The following MDGA2 variants were observed in gnomAD, a reference collection of about 807,000 sequenced individuals.
MDGA2 encodes MAM domain containing glycosylphosphatidylinositol anchor 2.
Under a neutral mutation model 117.8 loss-of-function variants are expected in MDGA2, and 40 were observed. The ratio of observed to expected loss-of-function variants is 0.34; its 90% CI spans 0.26 to 0.44. MDGA2 has a LOEUF of 0.44. Among genes scored for constraint, MDGA2 ranks in the 20% least tolerant of loss-of-function variants. The pLI is 1.00. For missense variants in MDGA2, 1,123 were observed against 1,250.6 expected, an observed-to-expected ratio of 0.90 and a Z score of 1.54; for synonymous variants, 452 against 439.0, an observed-to-expected ratio of 1.03 and a Z score of -0.37.
intron 1 of MDGA2, among the ~76,000 whole-genome samples, chr14:47,361,850 T>C (rs1891133417): frequency 6.6e-6 from 1 of 152,156 alleles, no homozygotes; most frequent in South Asian, 2.1e-4. Context: ...TATAAGGATA[T>C]CAGAGTATGA....
chr14:47,239,234 A>G (rs528340422), intron 2 of MDGA2, among the ~76,000 whole-genome samples: 3 of 150,740 alleles, frequency 2.0e-5, no homozygotes, highest in East Asian at 1.9e-4. Flanking sequence ...AAAAAAAAAA[A>G]GGGCTCTGAT....
rs144490538 is a variant in MDGA2 at position 47,093,353 on chromosome 14, T to C, written c.1195+3501A>G. ...AGTAATGTCTTGGTATTTTGAACCA[T>C]ACATGTTCAACACAGTGATTTAATT... On this transcript the variant is annotated intron_variant, in intron 6 of 16. Coordinates refer to ENST00000399232, the MANE Select transcript of MDGA2 (RefSeq NM_001113498.3). 5.0e-3 allele frequency among the ~76,000 whole-genome samples: 763 copies of C among 152,242 alleles called. 13 individuals carry two copies. Among genetic ancestry groups the C allele is most frequent in the African/African-American group, 0.017 (721 of 41,570 alleles).
intron 1 of MDGA2, among the ~76,000 whole-genome samples, chr14:47,558,299 G>T (rs1165965512): frequency 6.6e-6 from 1 of 152,170 alleles, no homozygotes; most frequent in Non-Finnish European, 1.5e-5. Flanking sequence ...AAAAGAATTA[G>T]TCCACTTTGA....
In MDGA2 at chr14:46,873,421, T is replaced by G. The variant is rs1217640226; in HGVS notation, c.2752+12A>C. The G allele has an allele frequency of 6.3e-7, 1 of 1,575,364 alleles. No individual in the cohort carries two copies. The highest frequency in any genetic ancestry group is 8.6e-7 in the Non-Finnish European group (1 of 1,159,488). Reference sequence around the variant, plus strand: ...TTAATTTTGTAAGAATCAGTAATTATTGCTATCTCACCTATATGTTGTCCA... The same window carrying G: ...TTAATTTTGTAAGAATCAGTAATTAGTGCTATCTCACCTATATGTTGTCCA... On this transcript the variant is annotated intron_variant, in intron 14 of 16. Coordinates refer to ENST00000399232, the MANE Select transcript of MDGA2 (RefSeq NM_001113498.3).
chr14:47,057,008 G>A (rs1889700227), intron 7 of MDGA2, among the ~76,000 whole-genome samples: 2 of 151,920 alleles, frequency 1.3e-5, no homozygotes, highest in Admixed American at 6.6e-5. Flanking sequence ...AGTCTAGCCA[G>A]ATAAAATATA....
chr14:46,892,237 A>G (rs1287790961), intron 10 of MDGA2, among the ~76,000 whole-genome samples: 1 of 151,986 alleles, frequency 6.6e-6, no homozygotes, highest in African/African-American at 2.4e-5. Context: ...ATTTTTGATA[A>G]GTCCACCAAG....
chr14:47,182,668 G>C (rs1225912844), intron 3 of MDGA2, among the ~76,000 whole-genome samples: 1 of 152,190 alleles, frequency 6.6e-6, no homozygotes, highest in Admixed American at 6.5e-5. Flanking sequence ...GACTAAGACA[G>C]TAACCAAAGA....
rs561490051 is a variant in MDGA2, at chr14:47,511,724, T to C, written c.280+162793A>G. On this transcript the variant is annotated intron_variant, in intron 1 of 16. Coordinates refer to ENST00000399232, the MANE Select transcript of MDGA2 (RefSeq NM_001113498.3). Reference sequence around the variant, plus strand: ...TTGCACACACCTAAGAGAGGAAAGGTAGCAAATGAAGACAGATACACAGAC... The same window carrying C: ...TTGCACACACCTAAGAGAGGAAAGGCAGCAAATGAAGACAGATACACAGAC... 1.7e-3 allele frequency among the ~76,000 whole-genome samples: 266 copies of C among 152,236 alleles called. 1 individual carries two copies. Among genetic ancestry groups the C allele is most frequent in the African/African-American group, 6.2e-3 (258 of 41,540 alleles).
intron 1 of MDGA2, among the ~76,000 whole-genome samples, chr14:47,557,206 C>T (rs553440696): frequency 6.6e-6 from 1 of 152,180 alleles, no homozygotes; most frequent in East Asian, 1.9e-4. Context: ...GTTTCCTGGA[C>T]TAATTTAACC....
intron 1 of MDGA2, among the ~76,000 whole-genome samples, chr14:47,628,959 A>G (rs146533553): frequency 2.0e-5 from 3 of 152,344 alleles, no homozygotes; most frequent in Admixed American, 1.3e-4. Context: ...AGAACTCTCC[A>G]TGGAGTACAC....
At chr14:47,134,086 T>C (rs566805767) in intron 4 of MDGA2, among the ~76,000 whole-genome samples, 3 of 152,206 alleles carry the variant, frequency 2.0e-5, no homozygotes, top group Non-Finnish European at 2.9e-5. Flanking sequence ...AATTAACATA[T>C]ACATAACCTC....
intron 2 of MDGA2, among the ~76,000 whole-genome samples, chr14:47,271,020 T>C (rs933891636): frequency 1.3e-5 from 2 of 152,162 alleles, no homozygotes; most frequent in Non-Finnish European, 2.9e-5. Context: ...TTTGCCATTT[T>C]CTTTCCTGTG....
chr14:47,465,003 C>G (rs1440815517), intron 1 of MDGA2, among the ~76,000 whole-genome samples: 1 of 152,004 alleles, frequency 6.6e-6, no homozygotes, highest in Non-Finnish European at 1.5e-5. Context: ...CAAAAACAGG[C>G]ACCTACATGA....
At chr14:47,425,152 A>G (rs1470490084) in intron 1 of MDGA2, among the ~76,000 whole-genome samples, 1 of 152,156 alleles carries the variant, frequency 6.6e-6, no homozygotes, top group African/African-American at 2.4e-5. Flanking sequence ...ATTTCTGTAA[A>G]TTTGTGAAAT....
chr14:47,078,038 C>T (rs988854916), intron 6 of MDGA2, among the ~76,000 whole-genome samples: 1 of 151,898 alleles, frequency 6.6e-6, no homozygotes, highest in Non-Finnish European at 1.5e-5. Context: ...AATTCTAATA[C>T]GTGAGGGATG....
chr14:46,929,932 G>A (rs1044979582), intron 9 of MDGA2, among the ~76,000 whole-genome samples: 2 of 150,874 alleles, frequency 1.3e-5, no homozygotes, highest in South Asian at 2.1e-4. Context: ...CACTGCGCCC[G>A]GCCCATGATT....
At chr14:47,439,972 G>GA (rs1892973106) in intron 1 of MDGA2, among the ~76,000 whole-genome samples, 1 of 151,950 alleles carries the variant, frequency 6.6e-6, no homozygotes, top group Admixed American at 6.6e-5. Flanking sequence ...ATTCTTTACA[G>GA]AAAATGTACC....
chr14:47,612,368 C>A (rs1377506171), intron 1 of MDGA2, among the ~76,000 whole-genome samples: 2 of 152,098 alleles, frequency 1.3e-5, no homozygotes, highest in Non-Finnish European at 2.9e-5. Context: ...TACATATACT[C>A]ATGGAAAAAC....
chr14:47,309,164 C>T (rs1177926557), intron 1 of MDGA2, among the ~76,000 whole-genome samples: 1 of 151,962 alleles, frequency 6.6e-6, no homozygotes, highest in Non-Finnish European at 1.5e-5. Flanking sequence ...TATGTAATCC[C>T]AAATAGAAAA....
Sources: allele counts gnomAD v4.1 joint callset (sites outside exome capture counted in the v4.1 genomes callset), GRCh38; gene constraint gnomAD v4.1.1; transcripts MANE v1.5; gene names NCBI Gene and HGNC (gene_info 2026-07-23, HGNC 2026-07-21).